The following FKBP7 variants were observed in gnomAD, a reference collection of about 807,000 sequenced individuals.
FKBP7 encodes FKBP prolyl isomerase 7, also known as peptidyl-prolyl cis-trans isomerase FKBP7.
A neutral mutation model predicts 24.3 loss-of-function variants in FKBP7; 24 were observed. The observed-to-expected ratio is 0.99, with a 90% confidence interval of 0.72 to 1.39. The LOEUF (loss-of-function observed/expected upper bound fraction) is 1.39. FKBP7 is among the 40% of genes most tolerant of loss of function. FKBP7 has a pLI of 0.00. For missense variants in FKBP7, 257 were observed against 269.5 expected (o/e 0.95, Z 0.33); for synonymous variants, 98 against 92.8 (o/e 1.06, Z -0.32).
chr2:178,478,390 A>G lies in FKBP7; in HGVS notation c.110T>C (p.Ile37Thr), dbSNP rs1559379796. 3.1e-6 allele frequency: 5 copies of G among 1,614,158 alleles called. No homozygotes were observed. The highest frequency in any genetic ancestry group is 2.2e-5 in the East Asian group (1 of 44,890). ...KKEESTEEVK[I>T]EVLHRPENCS... is the part of the protein sequence containing the mutation. ...GTTTTCTGGACGATGCAAAACTTCTATTTTCACTTCTTCGGTGCTCTCCTC... is the reference window on the plus strand; with the variant it reads ...GTTTTCTGGACGATGCAAAACTTCTGTTTTCACTTCTTCGGTGCTCTCCTC... Residue 37 changes from isoleucine to threonine, a missense_variant, in exon 1 of 4, where the codon ATA becomes ACA. By Grantham distance (89) the Ile-to-Thr change is moderately conservative (BLOSUM62 -1). Transcript: ENST00000424785.
rs1472292499 is a variant in FKBP7 at position 178,472,976 on chromosome 2, T to C, written c.374-3191A>G. ...TGCATTTGCTACGGAATTACTTATA[T>C]TTAGAGAAGCAGATCAAAGAAGTAG... On this transcript the variant is annotated intron_variant, in intron 2 of 3. Transcript: ENST00000424785. 5.5e-6 allele frequency: 4 copies of C among 723,052 alleles called. No individual in the cohort carries two copies. The Admixed American group carries it at 9.7e-5, about 18-fold the overall frequency. The allele number at this position is 723,052 out of a possible 1,614,324, so 44.8% of individuals were successfully genotyped here.
chr2:178,474,882 C>T (rs932002484), intron 2 of FKBP7, among the ~76,000 whole-genome samples: 9 of 152,194 alleles, frequency 5.9e-5, no homozygotes, highest in Admixed American at 5.2e-4. Context: ...GAGATTGTGT[C>T]TCCCTACATT....
intron 2 of FKBP7, among the ~76,000 whole-genome samples, chr2:178,470,310 A>G (rs145739242): frequency 2.9e-4 from 44 of 152,360 alleles, no homozygotes; most frequent in African/African-American, 1.0e-3. Context: ...TAAGTAATCT[A>G]GAGATAATTT....
intron 3 of FKBP7, among the ~76,000 whole-genome samples, chr2:178,468,302 T>G (rs1684739463): frequency 6.6e-6 from 1 of 152,104 alleles, no homozygotes; most frequent in Non-Finnish European, 1.5e-5. Context: ...TAAATAGTAT[T>G]AGACTTGAAA....
At chr2:178,471,985 T>A (rs1232954350) in intron 2 of FKBP7, among the ~76,000 whole-genome samples, 1 of 152,178 alleles carries the variant, frequency 6.6e-6, no homozygotes, top group Non-Finnish European at 1.5e-5. Flanking sequence ...CCCATTCCTA[T>A]TTTTTCCAGT....
chr2:178,474,943 C>T (rs1346864884), intron 2 of FKBP7, among the ~76,000 whole-genome samples: 1 of 152,168 alleles, frequency 6.6e-6, no homozygotes, highest in Non-Finnish European at 1.5e-5. Flanking sequence ...CCACCTTAGC[C>T]TCTCAAAGTG....
At chr2:178,470,324 G>A (rs1243954453) in intron 2 of FKBP7, among the ~76,000 whole-genome samples, 1 of 152,124 alleles carries the variant, frequency 6.6e-6, no homozygotes, top group Admixed American at 6.5e-5. Flanking sequence ...ATAATTTAAA[G>A]TACACCGGAA....
chr2:178,471,034 A>G (rs2154126848), intron 2 of FKBP7, among the ~76,000 whole-genome samples: 1 of 151,766 alleles, frequency 6.6e-6, no homozygotes, highest in South Asian at 2.1e-4. Context: ...CACACCAGGC[A>G]TTGCATTATT....
At position 178,477,062 on chromosome 2, in the gene FKBP7, C is replaced by T. The variant is rs2154127223; in HGVS notation, c.373G>A (p.Ala125Thr). 1.3e-6 allele frequency: 2 copies of T among 1,582,242 alleles called. No homozygotes were observed. The highest frequency in any genetic ancestry group is 1.7e-6 in the Non-Finnish European group (2 of 1,168,144). The change falls in exon 2 of 4, where the codon GCA becomes ACA. Residue 125 changes from alanine to threonine, a missense_variant and splice_region_variant. By Grantham distance (58) the Ala-to-Thr change is moderately conservative. Transcript: ENST00000424785. ...PSFAYGKEGY[A>T]EGKIPPDATL... is the part of the protein sequence containing the mutation. ...AAGAAATTAAAATTAAACATCTTAC[C>T]ATAGCCTTCCTTTCCGTATGCAAAT...
At chr2:178,478,188 CCCAA>C (rs145476601) in intron 1 of FKBP7, 87 bp downstream of exon 1, 7 of 1,463,476 alleles carry the variant, frequency 4.8e-6, no homozygotes, top group Non-Finnish European at 5.6e-6. Context: ...AAAATAAAAC[CCCAA>C]CCAACCAACC....
chr2:178,470,649 T>C (rs184547501), intron 2 of FKBP7, among the ~76,000 whole-genome samples: 120 of 152,228 alleles, frequency 7.9e-4, no homozygotes, highest in Non-Finnish European at 1.5e-3. Context: ...AGTGCAATGA[T>C]AGAAAAATCC....
chr2:178,468,098 G>A (rs1430177060), intron 3 of FKBP7, among the ~76,000 whole-genome samples: 2 of 152,134 alleles, frequency 1.3e-5, no homozygotes, highest in Non-Finnish European at 2.9e-5. Flanking sequence ...ATTGGAGAGG[G>A]AGATGAAAAA....
chr2:178,470,586 AC>A, intron 2 of FKBP7, among the ~76,000 whole-genome samples: 1 of 152,356 alleles, frequency 6.6e-6, no homozygotes, highest in South Asian at 2.1e-4. Context: ...CATAAATAAA[AC>A]ATAAGTATTA....
chr2:178,476,919 A>G lies in FKBP7; in HGVS notation c.373+143T>C, dbSNP rs1055211436. On this transcript the variant is annotated intron_variant, in intron 2 of 3. Coordinates refer to ENST00000424785, the MANE Select transcript of FKBP7 (RefSeq NM_181342.3). ...TGTGGCTTGCTTCCATCTCTTGTCT[A>G]TTGTACATGGCTGCTATGAGCATGG... 2.4e-5 allele frequency: 14 copies of G among 593,558 alleles called. No homozygotes were observed. In the African/African-American group the frequency reaches 2.5e-4, roughly 10 times the overall value. 36.8% of individuals were successfully genotyped at this position (593,558 alleles called of 1,614,324 possible).
chr2:178,477,336 C>A, intron 1 of FKBP7, 123 bp from the exon 2 acceptor site: 1 of 941,550 alleles, frequency 1.1e-6, no homozygotes, highest in Non-Finnish European at 1.6e-6. Context: ...CTTTCTAAAA[C>A]CCTTAATGGG....
chr2:178,468,388 C>G (rs1684741892), intron 3 of FKBP7, among the ~76,000 whole-genome samples: 2 of 151,864 alleles, frequency 1.3e-5, no homozygotes, highest in Admixed American at 6.6e-5. Context: ...CATGATGGTT[C>G]ACACCTGTAA....
chr2:178,478,175 TA>T, intron 1 of FKBP7, 103 bp downstream of exon 1: 1 of 1,314,402 alleles, frequency 7.6e-7, no homozygotes, highest in Non-Finnish European at 1.1e-6. Flanking sequence ...CTTTTACCGT[TA>T]AAAAATAAAA....
Position 178,465,018 on chromosome 2 carries a change from C to A in FKBP7, c.*752G>T, listed in dbSNP as rs1684615619. On this transcript the variant is annotated 3_prime_UTR_variant, in exon 4 of 4. Coordinates refer to ENST00000424785, the MANE Select transcript of FKBP7 (RefSeq NM_181342.3). Reference sequence around the variant, plus strand: ...CAAGACAAAAGCTTGGGGTGGCAGACATCTTATAAAGGTTTACAAGAGGGA... The same window carrying A: ...CAAGACAAAAGCTTGGGGTGGCAGAAATCTTATAAAGGTTTACAAGAGGGA... 1 of 152,152 alleles carries A rather than the reference C, an allele frequency of 6.6e-6. No homozygotes were observed. Among genetic ancestry groups the A allele is most frequent in the Non-Finnish European group, 1.5e-5 (1 of 68,028 alleles). The allele number at this position is 152,152 out of a possible 1,614,324, so 9.4% of individuals were successfully genotyped here.
In FKBP7 at chr2:178,472,926, CTAAAG is replaced by C; in HGVS notation, c.374-3146_374-3142del. The C allele has an allele frequency of 2.9e-5, 4 of 139,306 alleles. No homozygotes were observed. In the South Asian group the frequency reaches 3.6e-4, roughly 12 times the overall value. 8.6% of individuals were successfully genotyped at this position (139,306 alleles called of 1,614,324 possible). On this transcript the variant is annotated intron_variant, in intron 2 of 3. Transcript: ENST00000424785. ...GTTTTTTTTTTTTTTTTAAAAAAAA[CTAAAG>C]TATAAAAATGAGGAAAATATGCATT...
Sources: gnomAD v4.1 joint callset for allele counts (sites outside exome capture counted in the v4.1 genomes callset) on GRCh38, gnomAD v4.1.1 for gene constraint, MANE v1.5 for transcripts, NCBI Gene and HGNC (gene_info 2026-07-23, HGNC 2026-07-21) for gene names.